Variants in FSTL4 observed in about 807,000 individuals in gnomAD.
FSTL4 encodes follistatin-related protein 4.
FSTL4 carries 28 observed loss-of-function variants against 78.2 expected under a neutral mutation model. The ratio of observed to expected loss-of-function variants is 0.36; its 90% CI spans 0.27 to 0.49. FSTL4 has a LOEUF of 0.49. FSTL4 is among the 20% of genes least tolerant of loss of function. The probability of loss-of-function intolerance (pLI) is 0.98; values close to 1 mark genes in which losing one functional copy is unlikely to be tolerated. For missense variants in FSTL4, 922 were observed against 1,084.9 expected (o/e 0.85, Z 2.11); for synonymous variants, 422 against 440.5 (o/e 0.96, Z 0.53).
intron 4 of FSTL4, among the ~76,000 whole-genome samples, chr5:133,327,723 T>C (rs985104079): frequency 1.3e-5 from 2 of 152,186 alleles, no homozygotes; most frequent in Admixed American, 6.5e-5. Context: ...CTGTCTCTTG[T>C]TGAGCTGAGC....
At chr5:133,480,546 G>A (rs1268633024) in intron 3 of FSTL4, among the ~76,000 whole-genome samples, 1 of 151,988 alleles carries the variant, frequency 6.6e-6, no homozygotes, top group Non-Finnish European at 1.5e-5. Context: ...GCCACTCCTT[G>A]TCCTGGTTAT....
the FSTL4 span, among the ~76,000 whole-genome samples, chr5:133,813,574 T>C: frequency 6.6e-6 from 1 of 152,256 alleles, no homozygotes; most frequent in Non-Finnish European, 1.5e-5. Flanking sequence ...TTTGTTCTCA[T>C]ATGTTTAATC....
At chr5:133,220,988 C>A (rs1296161512) in intron 11 of FSTL4, 122 bp from the exon 12 acceptor site, 1 of 764,924 alleles carries the variant, frequency 1.3e-6, no homozygotes, top group Non-Finnish European at 2.4e-6. Context: ...GCACGAGATG[C>A]AATTCCTGGT....
chr5:133,662,738 T>G, the FSTL4 span, among the ~76,000 whole-genome samples: 4 of 152,140 alleles, frequency 2.6e-5, no homozygotes, highest in Non-Finnish European at 5.9e-5. Context: ...GTGCTTACTG[T>G]GAACGCTCCT....
At chr5:133,403,399 T>C (rs1270010664) in intron 3 of FSTL4, among the ~76,000 whole-genome samples, 1 of 152,200 alleles carries the variant, frequency 6.6e-6, no homozygotes, top group African/African-American at 2.4e-5. Flanking sequence ...CAAGTCCAAG[T>C]GTCCCTCTCT....
chr5:133,638,177 T>C, the FSTL4 span, among the ~76,000 whole-genome samples: 2 of 151,794 alleles, frequency 1.3e-5, no homozygotes, highest in Non-Finnish European at 2.9e-5. Flanking sequence ...ACTTTCCCAA[T>C]ATAGCCTAAA....
intron 3 of FSTL4, among the ~76,000 whole-genome samples, chr5:133,430,076 T>C (rs1756903404): frequency 6.6e-6 from 1 of 152,104 alleles, no homozygotes; most frequent in African/African-American, 2.4e-5. Context: ...ACTTGGAAAA[T>C]GTGAGGTGCA....
chr5:133,249,527 T>C lies in FSTL4; in HGVS notation c.777A>G (p.Thr259=), dbSNP rs765587007. The C allele has an allele frequency of 1.3e-4, 214 of 1,613,572 alleles. 1 individual carries two copies. The highest frequency in any genetic ancestry group is 5.9e-4 in the South Asian group (54 of 91,070). Residue 259 remains threonine (T), a synonymous_variant, in exon 7 of 16, where the codon ACA becomes ACG. Coordinates refer to ENST00000265342, the MANE Select transcript of FSTL4 (RefSeq NM_015082.2). Reference sequence around the variant, plus strand: ...GCACTGTGCTCAGCCCCACGGTCACTGTGGTCACACTGACCCTGTCCTCGG... The same window carrying C: ...GCACTGTGCTCAGCCCCACGGTCACCGTGGTCACACTGACCCTGTCCTCGG... ...LAPEDRVSVT[T]VTVGLSTVLT...
At chr5:133,571,799 G>A (rs1013793034) in intron 2 of FSTL4, among the ~76,000 whole-genome samples, 2 of 152,020 alleles carry the variant, frequency 1.3e-5, no homozygotes, top group African/African-American at 4.8e-5. Context: ...CTGAAGAAAG[G>A]AATAGTAAGA....
intron 3 of FSTL4, among the ~76,000 whole-genome samples, chr5:133,408,980 C>T (rs1756427061): frequency 6.6e-6 from 1 of 152,124 alleles, no homozygotes; most frequent in African/African-American, 2.4e-5. Flanking sequence ...TTCGGGAGGC[C>T]AGCCTTAATG....
At chr5:133,247,484 TC>T (rs1752075845) in intron 7 of FSTL4, 1 of 152,160 alleles carries the variant, frequency 6.6e-6, no homozygotes, top group Non-Finnish European at 1.5e-5. Context: ...GGTGGAGCTG[TC>T]CCAGTACTGA....
Position 133,426,372 on chromosome 5 carries a change from G to A in FSTL4, c.161-25386C>T, listed in dbSNP as rs1261544153. ...GCAGGACCAGTGGCTTGGGTCTCCT[G>A]CATAATGAGCCCATGTCACTTCATG... is the stretch of plus-strand genomic sequence containing the variant. On this transcript the variant is annotated intron_variant, in intron 3 of 15. Transcript: ENST00000265342. This position sits in a 1 kb window ranked among gnomAD's most constrained non-coding sequence, Gnocchi z 5.0. Among the ~76,000 whole-genome samples, 1 of 152,162 alleles carries A rather than the reference G, an allele frequency of 6.6e-6. No individual in the cohort carries two copies. The highest frequency in any genetic ancestry group is 1.5e-5 in the Non-Finnish European group (1 of 68,038).
the FSTL4 span, among the ~76,000 whole-genome samples, chr5:133,752,908 C>G: frequency 6.6e-6 from 1 of 151,982 alleles, no homozygotes; most frequent in Admixed American, 6.5e-5. Context: ...CGCTCTGAGC[C>G]CCACACTTTC....
chr5:133,313,957 T>C (rs1459665716), intron 5 of FSTL4, among the ~76,000 whole-genome samples: 1 of 152,168 alleles, frequency 6.6e-6, no homozygotes, highest in Non-Finnish European at 1.5e-5. Context: ...ACTTTAACTA[T>C]ATTAAATTTT....
chr5:133,379,294 T>C (rs966260395), intron 4 of FSTL4, among the ~76,000 whole-genome samples: 2 of 151,930 alleles, frequency 1.3e-5, no homozygotes, highest in African/African-American at 4.8e-5. Context: ...AAGAAATAGA[T>C]GACAATAATA....
chr5:133,445,409 G>A (rs1251761657), intron 3 of FSTL4, among the ~76,000 whole-genome samples: 4 of 152,072 alleles, frequency 2.6e-5, no homozygotes, highest in East Asian at 1.9e-4. Context: ...TCACTGCTGC[G>A]GGGCAGCACA....
chr5:133,364,482 C>A (rs886309571), intron 4 of FSTL4, among the ~76,000 whole-genome samples: 1 of 152,230 alleles, frequency 6.6e-6, no homozygotes, highest in Non-Finnish European at 1.5e-5. Context: ...AGCCCTGATT[C>A]AAGGTCCTAT....
the FSTL4 span, among the ~76,000 whole-genome samples, chr5:133,657,299 A>T: frequency 6.6e-6 from 1 of 152,182 alleles, no homozygotes; most frequent in Non-Finnish European, 1.5e-5. Context: ...ACTTAGAAAC[A>T]CGGTGGAGAG....
At chr5:133,438,503 T>C (rs1332156088) in intron 3 of FSTL4, among the ~76,000 whole-genome samples, 1 of 152,260 alleles carries the variant, frequency 6.6e-6, no homozygotes. Flanking sequence ...TCCCTGAATT[T>C]AGGGACACAT....
Sources: allele counts gnomAD v4.1 joint callset (sites outside exome capture counted in the v4.1 genomes callset), GRCh38; gene constraint gnomAD v4.1.1; non-coding constraint Gnocchi (gnomAD v3.1); transcripts MANE v1.5; gene names NCBI Gene and HGNC (gene_info 2026-07-23, HGNC 2026-07-21).